The following ITPK1 variants were observed in gnomAD, a reference collection of about 807,000 sequenced individuals.
ITPK1 encodes the protein inositol 1,3,4-trisphosphate 5/6-kinase.
In ITPK1, 21 loss-of-function variants were observed where a neutral mutation model predicts 45.3. The ratio of observed to expected loss-of-function variants is 0.46; its 90% CI spans 0.33 to 0.67. ITPK1 has a LOEUF of 0.67. Among genes scored for constraint, ITPK1 ranks in the 30% least tolerant of loss-of-function variants. ITPK1 has a pLI of 0.02. For missense variants in ITPK1, 474 were observed against 573.5 expected (o/e 0.83, Z 1.77); for synonymous variants, 258 against 253.6 (o/e 1.02, Z -0.16).
At chr14:93,002,727 C>G (rs1887414692) in intron 4 of ITPK1, among the ~76,000 whole-genome samples, 1 of 152,152 alleles carries the variant, frequency 6.6e-6, no homozygotes, top group Non-Finnish European at 1.5e-5. Context: ...CAAAGATGGT[C>G]AGAACTAGCA....
intron 3 of ITPK1, among the ~76,000 whole-genome samples, chr14:93,064,101 G>A (rs532614196): frequency 3.3e-5 from 5 of 152,216 alleles, no homozygotes; most frequent in African/African-American, 1.2e-4. Context: ...GGCTAACATG[G>A]TGAAACCCTG....
At chr14:92,993,301 C>CTT (rs1399396621) in intron 5 of ITPK1, among the ~76,000 whole-genome samples, 2 of 152,242 alleles carry the variant, frequency 1.3e-5, no homozygotes, top group African/African-American at 4.8e-5. Flanking sequence ...CTCACATAAA[C>CTT]ACCTTGAGAA....
At position 93,016,770 on chromosome 14, in the gene ITPK1, C is replaced by A; in HGVS notation, c.152G>T (p.Gly51Val). Residue 51 changes from glycine (G) to valine (V), a missense_variant, in exon 4 of 11, where the codon GGC becomes GTC. By Grantham distance (109) the Gly-to-Val change is moderately radical (BLOSUM62 -3). Around this residue, in one of 2 missense-constraint regions of ITPK1, gnomAD observed 367 missense variants for 480.6 expected, o/e 0.76. Coordinates refer to ENST00000267615, the MANE Select transcript of ITPK1 (RefSeq NM_014216.6). The surrounding 1 kb of genome is among the most constrained non-coding windows in gnomAD (Gnocchi z 5.0). ...LNLSRPIEEQ[G>V]PLDVIIHKLT... is the part of the protein sequence containing the mutation. ...CTTGTGGATGATGACGTCCAGGGGGCCCTGCTCCTCGATCGGCCGGCTAAG... is the reference window on the plus strand; with the variant it reads ...CTTGTGGATGATGACGTCCAGGGGGACCTGCTCCTCGATCGGCCGGCTAAG... 6.2e-7 allele frequency: 1 copy of A among 1,614,120 alleles called. No homozygotes were observed. Among genetic ancestry groups the A allele is most frequent in the Admixed American group, 1.7e-5 (1 of 60,020 alleles).
chr14:93,049,285 C>T (rs1240678174), intron 3 of ITPK1, among the ~76,000 whole-genome samples: 1 of 152,216 alleles, frequency 6.6e-6, no homozygotes, highest in Non-Finnish European at 1.5e-5. Flanking sequence ...ATGCAGGGCT[C>T]TGTGCTAAGT....
chr14:93,027,717 T>C (rs916667152), intron 3 of ITPK1, among the ~76,000 whole-genome samples: 1 of 152,142 alleles, frequency 6.6e-6, no homozygotes, highest in African/African-American at 2.4e-5. Context: ...AAGACAGTCA[T>C]CAACAGAAAA....
intron 3 of ITPK1, among the ~76,000 whole-genome samples, chr14:93,054,361 G>C (rs1446867492): frequency 6.6e-6 from 1 of 152,154 alleles, no homozygotes; most frequent in African/African-American, 2.4e-5. Flanking sequence ...TCCAGACAAC[G>C]GGTGGTCTTA....
chr14:93,002,839 G>A (rs1290295759), intron 4 of ITPK1, among the ~76,000 whole-genome samples: 1 of 152,194 alleles, frequency 6.6e-6, no homozygotes, highest in Non-Finnish European at 1.5e-5. Flanking sequence ...AGCTGAGACT[G>A]CAGCTCCCTT....
In ITPK1 at chr14:92,962,848, G is replaced by C. The variant is rs746629240; in HGVS notation, c.366C>G (p.Asp122Glu). ...LIRKIEAYME[D>E]DRICSPPFME... is the part of the protein sequence containing the mutation. ...TGAAGGGTGGCGAGCAGATCCTGTC[G>C]TCTAGGGCAGAAGGGAGGCCTGGTC... The change falls in exon 6 of 11, where the codon GAC becomes GAG. Residue 122 changes from aspartate to glutamate, a missense_variant and splice_region_variant. Asp to Glu is a conservative substitution (Grantham distance 45, BLOSUM62 2). Around this residue, in one of 2 missense-constraint regions of ITPK1, gnomAD observed 367 missense variants for 480.6 expected, o/e 0.76. Transcript: ENST00000267615. The C allele has an allele frequency of 1.2e-6, 2 of 1,610,362 alleles. No individual in the cohort carries two copies. The highest frequency in any genetic ancestry group is 1.7e-6 in the Non-Finnish European group (2 of 1,177,248).
intron 8 of ITPK1, among the ~76,000 whole-genome samples, chr14:92,956,406 C>T (rs1884729178): frequency 1.3e-5 from 2 of 151,832 alleles, no homozygotes; most frequent in Admixed American, 1.3e-4. Flanking sequence ...ACTGGGACTA[C>T]AGGCATGAGC....
chr14:93,052,582 C>G (rs773581950), intron 3 of ITPK1, among the ~76,000 whole-genome samples: 3 of 152,116 alleles, frequency 2.0e-5, no homozygotes, highest in Non-Finnish European at 4.4e-5. Context: ...GGTAGGGGGA[C>G]GGGAGATCCT....
chr14:92,940,857 A>T lies in ITPK1; in HGVS notation c.*704T>A, dbSNP rs946399759. On this transcript the variant is annotated 3_prime_UTR_variant, in exon 11 of 11. Transcript: ENST00000267615. ...GGAGCAGCAGTGCTGGCTTAGGGGA[A>T]GGAGACCGCTGTGCAGGGCTAAATG... is the stretch of plus-strand genomic sequence containing the variant. The T allele has an allele frequency of 3.2e-5, 41 of 1,288,574 alleles. No individual in the cohort carries two copies. In the African/African-American group the frequency reaches 5.9e-4, roughly 19 times the overall value. The allele number at this position is 1,288,574 out of a possible 1,614,324, so 79.8% of individuals were successfully genotyped here. A position where few individuals can be genotyped will look rare whatever the true frequency, so the allele number is the denominator to read the frequency against.
chr14:92,962,113 C>A lies in ITPK1; in HGVS notation c.504+242G>T, dbSNP rs138641393. On this transcript the variant is annotated intron_variant, in intron 7 of 10. Coordinates refer to ENST00000267615, the MANE Select transcript of ITPK1 (RefSeq NM_014216.6). The stretch of plus-strand genomic sequence containing the variant: ...ACAGAGGACAGGTGGGTCCCCAGCA[C>A]ATCCTCCTGCCTTAGGGACAGGACA... Among the ~76,000 whole-genome samples, 1,359 of 152,328 alleles carry A rather than the reference C, an allele frequency of 8.9e-3. 17 individuals carry two copies. Among genetic ancestry groups the A allele is most frequent in the African/African-American group, 0.031 (1,276 of 41,572 alleles).
chr14:92,976,684 C>A (rs1885959824), intron 5 of ITPK1, among the ~76,000 whole-genome samples: 1 of 152,262 alleles, frequency 6.6e-6, no homozygotes, highest in Non-Finnish European at 1.5e-5. Flanking sequence ...CAGGCATCAA[C>A]TTGTGTCATC....
chr14:93,050,873 C>A (rs1429298713), intron 3 of ITPK1, among the ~76,000 whole-genome samples: 1 of 151,936 alleles, frequency 6.6e-6, no homozygotes, highest in East Asian at 1.9e-4. Flanking sequence ...GGCAGAGGTA[C>A]CTGTGCAGGC....
chr14:92,942,584 G>A (rs1887486021), intron 10 of ITPK1, among the ~76,000 whole-genome samples: 1 of 152,202 alleles, frequency 6.6e-6, no homozygotes. Flanking sequence ...CACAGCCAAG[G>A]AACGGAAATG....
intron 10 of ITPK1, among the ~76,000 whole-genome samples, chr14:92,943,314 G>T (rs1887524870): frequency 6.6e-6 from 1 of 152,214 alleles, no homozygotes; most frequent in Admixed American, 6.5e-5. Context: ...ACGGTCCTCA[G>T]CCCACCGCAC....
intron 3 of ITPK1, among the ~76,000 whole-genome samples, chr14:93,027,962 A>C (rs113569543): frequency 8.1e-4 from 123 of 152,282 alleles, no homozygotes; most frequent in African/African-American, 2.8e-3. Context: ...TGGGAAAAAA[A>C]GGGGCTGGTC....
chr14:92,974,129 C>T (rs79870816), intron 5 of ITPK1, among the ~76,000 whole-genome samples: 2 of 152,120 alleles, frequency 1.3e-5, no homozygotes, highest in Non-Finnish European at 2.9e-5. Context: ...CTGTCCCTCT[C>T]GCTTAGGATG....
chr14:92,943,655 G>A (rs1887544943), intron 10 of ITPK1, among the ~76,000 whole-genome samples: 1 of 152,250 alleles, frequency 6.6e-6, no homozygotes, highest in African/African-American at 2.4e-5. Context: ...AGGGCAGGGA[G>A]GCCGCTTTCT....
Sources: allele counts gnomAD v4.1 joint callset (sites outside exome capture counted in the v4.1 genomes callset), GRCh38; gene constraint gnomAD v4.1.1; regional missense constraint gnomAD v4.1.1; non-coding constraint Gnocchi (gnomAD v3.1); transcripts MANE v1.5; gene names NCBI Gene and HGNC (gene_info 2026-07-23, HGNC 2026-07-21).